XPR1: variants seen among roughly 807,000 people sequenced by gnomAD.
XPR1 encodes solute carrier family 53 member 1.
Under a neutral mutation model 87.5 loss-of-function variants are expected in XPR1, and 28 were observed. The observed-to-expected ratio is 0.32, with a 90% CI of 0.24 to 0.44. XPR1 has a LOEUF of 0.44. Among genes scored for constraint, XPR1 ranks in the 20% least tolerant of loss-of-function variants. The probability of loss-of-function intolerance (pLI) is 1.00; values close to 1 mark genes in which losing one functional copy is unlikely to be tolerated. For synonymous variants in XPR1, 300 were observed against 306.1 expected (o/e 0.98, Z 0.21); for missense variants, 559 against 862.3 (o/e 0.65, Z 4.41).
intron 1 of XPR1, among the ~76,000 whole-genome samples, chr1:180,660,998 A>G (rs1655753863): frequency 6.6e-6 from 1 of 152,176 alleles, no homozygotes; most frequent in South Asian, 2.1e-4. Context: ...TTTAGCTCTA[A>G]TAATATTTGC....
At chr1:180,793,024 T>C (rs1395864185) in intron 3 of XPR1, among the ~76,000 whole-genome samples, 1 of 152,120 alleles carries the variant, frequency 6.6e-6, no homozygotes, top group Non-Finnish European at 1.5e-5. Flanking sequence ...ATAACTTCTT[T>C]TTTTTCTGGG....
chr1:180,783,838 T>C (rs1649035379), intron 2 of XPR1, among the ~76,000 whole-genome samples: 1 of 151,926 alleles, frequency 6.6e-6, no homozygotes, highest in Non-Finnish European at 1.5e-5. Context: ...GTGGATCACC[T>C]GAGGTCAGGA....
At chr1:180,653,659 G>A (rs555553734) in intron 1 of XPR1, among the ~76,000 whole-genome samples, 10 of 151,890 alleles carry the variant, frequency 6.6e-5, no homozygotes, top group African/African-American at 2.4e-4. Context: ...TAATAAATTA[G>A]GCACAATAAG....
At chr1:180,730,692 C>G (rs773238311) in intron 2 of XPR1, among the ~76,000 whole-genome samples, 30 of 152,090 alleles carry the variant, frequency 2.0e-4, no homozygotes, top group Non-Finnish European at 3.7e-4. Context: ...TAGATAGGGT[C>G]TCACTCCGTT....
chr1:180,730,108 G>C (rs1658501530), intron 2 of XPR1, among the ~76,000 whole-genome samples: 1 of 152,120 alleles, frequency 6.6e-6, no homozygotes, highest in Non-Finnish European at 1.5e-5. Flanking sequence ...TCTGCGTATG[G>C]CTACCCAGTT....
intron 2 of XPR1, among the ~76,000 whole-genome samples, chr1:180,728,164 G>A (rs1658421064): frequency 6.6e-6 from 1 of 152,056 alleles, no homozygotes; most frequent in Admixed American, 6.5e-5. Flanking sequence ...ATGTATTCAG[G>A]AGCAATTTTA....
intron 2 of XPR1, among the ~76,000 whole-genome samples, chr1:180,730,835 T>TA (rs1409284907): frequency 6.6e-6 from 1 of 151,502 alleles, no homozygotes; most frequent in Non-Finnish European, 1.5e-5. Flanking sequence ...GCTAATTTTT[T>TA]TTTTTATTTT....
chr1:180,866,203 C>A (rs533946984), intron 12 of XPR1, among the ~76,000 whole-genome samples: 16 of 151,216 alleles, frequency 1.1e-4, no homozygotes, highest in African/African-American at 3.2e-4. Context: ...TGGAGCAAGA[C>A]CCTGTCTTAA....
intron 2 of XPR1, among the ~76,000 whole-genome samples, chr1:180,773,542 TA>T (rs1393677386): frequency 6.6e-6 from 1 of 152,250 alleles, no homozygotes; most frequent in Non-Finnish European, 1.5e-5. Flanking sequence ...TTATTAGACT[TA>T]AAATGTAAAA....
intron 2 of XPR1, among the ~76,000 whole-genome samples, chr1:180,763,632 A>T (rs1421892312): frequency 6.6e-6 from 1 of 152,232 alleles, no homozygotes; most frequent in Admixed American, 6.5e-5. Flanking sequence ...AAAAGTGCCC[A>T]TATGTGACAT....
chr1:180,756,646 A>G (rs182302699), intron 2 of XPR1, among the ~76,000 whole-genome samples: 1 of 152,032 alleles, frequency 6.6e-6, no homozygotes, highest in African/African-American at 2.4e-5. Context: ...AATTTATCTC[A>G]TTTTTCTTTC....
At chr1:180,663,654 A>G (rs1289202053) in intron 1 of XPR1, among the ~76,000 whole-genome samples, 6 of 152,028 alleles carry the variant, frequency 3.9e-5, no homozygotes, top group Non-Finnish European at 7.4e-5. Context: ...CCTATTACCT[A>G]TATTTGCTCA....
chr1:180,712,471 A>G (rs1236234209), intron 2 of XPR1, among the ~76,000 whole-genome samples: 1 of 152,224 alleles, frequency 6.6e-6, no homozygotes, highest in Non-Finnish European at 1.5e-5. Context: ...GGTAACCGAA[A>G]CTGTGGAAAG....
chr1:180,745,013 C>G (rs768311375), intron 2 of XPR1, among the ~76,000 whole-genome samples: 1 of 152,132 alleles, frequency 6.6e-6, no homozygotes, highest in African/African-American at 2.4e-5. Context: ...GTGTTGTTTT[C>G]AAAGCCTTTG....
intron 11 of XPR1, among the ~76,000 whole-genome samples, chr1:180,846,770 T>C (rs991288602): frequency 2.0e-5 from 3 of 151,830 alleles, no homozygotes; most frequent in Non-Finnish European, 4.4e-5. Flanking sequence ...ATTGATACTT[T>C]GGATAGGTAT....
chr1:180,727,519 C>T (rs1653612925), intron 2 of XPR1, among the ~76,000 whole-genome samples: 1 of 152,132 alleles, frequency 6.6e-6, no homozygotes, highest in South Asian at 2.1e-4. Context: ...TGGCAGATGC[C>T]TGTAATGCCA....
intron 2 of XPR1, among the ~76,000 whole-genome samples, chr1:180,748,062 G>C (rs1647334590): frequency 6.6e-6 from 1 of 152,142 alleles, no homozygotes; most frequent in South Asian, 2.1e-4. Flanking sequence ...AACCTGGTAG[G>C]TACCATACAC....
intron 1 of XPR1, among the ~76,000 whole-genome samples, chr1:180,655,851 T>C (rs1239023240): frequency 6.6e-6 from 1 of 152,126 alleles, no homozygotes; most frequent in East Asian, 1.9e-4. Flanking sequence ...AGTAGGTGTA[T>C]ATATTTATGG....
At position 180,790,900 on chromosome 1, in the gene XPR1, T is replaced by C. The variant is rs573934463; in HGVS notation, c.223+3046T>C. Among the ~76,000 whole-genome samples the C allele has an allele frequency of 4.6e-5, 7 of 152,242 alleles. No homozygotes were observed. In the South Asian group the frequency reaches 1.0e-3, roughly 23 times the overall value. ...GTAGATTTTCTGTATGGGAAAAATA[T>C]ACAGAAAGGATTTCAGTGTTCTCAA... On this transcript the variant is annotated intron_variant, in intron 3 of 14. Coordinates refer to ENST00000367590, the MANE Select transcript of XPR1 (RefSeq NM_004736.4).
Sources: allele counts gnomAD v4.1 joint callset (sites outside exome capture counted in the v4.1 genomes callset), GRCh38; gene constraint gnomAD v4.1.1; transcripts MANE v1.5; gene names NCBI Gene and HGNC (gene_info 2026-07-23, HGNC 2026-07-21).